Variants in WDR7 observed in about 807,000 individuals in gnomAD.
WDR7 encodes WD repeat-containing protein 7.
A neutral mutation model predicts 169.4 loss-of-function variants in WDR7; 46 were observed. The ratio of observed to expected loss-of-function variants is 0.27; its 90% CI spans 0.21 to 0.35. WDR7 has a LOEUF of 0.35. WDR7 is among the 10% of genes least tolerant of loss of function. The pLI is 1.00. For missense variants in WDR7, 1,534 were observed against 1,859.3 expected, an observed-to-expected ratio of 0.83 and a Z score of 3.22; for synonymous variants, 612 against 666.8, an observed-to-expected ratio of 0.92 and a Z score of 1.27.
intron 20 of WDR7, among the ~76,000 whole-genome samples, chr18:56,866,518 T>G (rs1175473630): frequency 6.6e-6 from 1 of 152,158 alleles, no homozygotes; most frequent in Non-Finnish European, 1.5e-5. Context: ...CGAAAGATTT[T>G]TTTTCTATGA....
rs147294119 is a variant in WDR7, at chr18:56,722,089, A to G, written c.1774+3930A>G. ...ATCTTTTTGAACTTAAGTACCTAATAAAATCTAGCAGGGAATTATGAATTA... is the reference window on the plus strand; with the variant it reads ...ATCTTTTTGAACTTAAGTACCTAATGAAATCTAGCAGGGAATTATGAATTA... On this transcript the variant is annotated intron_variant, in intron 13 of 27. Transcript: ENST00000254442. Among the ~76,000 whole-genome samples, 539 of 152,304 alleles carry G rather than the reference A, an allele frequency of 3.5e-3. 2 individuals carry two copies. Among genetic ancestry groups the G allele is most frequent in the Middle Eastern group, 0.017 (5 of 294 alleles).
At chr18:56,690,392 G>A (rs2025538756) in intron 7 of WDR7, among the ~76,000 whole-genome samples, 3 of 152,164 alleles carry the variant, frequency 2.0e-5, no homozygotes, top group Admixed American at 1.3e-4. Flanking sequence ...AATTTTATAT[G>A]TGAAAATTAT....
intron 14 of WDR7, among the ~76,000 whole-genome samples, chr18:56,739,265 G>A (rs1019036735): frequency 6.6e-6 from 1 of 151,842 alleles, no homozygotes; most frequent in Non-Finnish European, 1.5e-5. Flanking sequence ...ATACTTGTTA[G>A]CTATAGATTC....
intron 19 of WDR7, among the ~76,000 whole-genome samples, chr18:56,806,340 T>A (rs2044773020): frequency 6.6e-6 from 1 of 152,256 alleles, no homozygotes; most frequent in South Asian, 2.1e-4. Flanking sequence ...AAAACTACTC[T>A]TGATTTTCTC....
intron 21 of WDR7, among the ~76,000 whole-genome samples, chr18:56,919,030 CTG>C (rs776495708): frequency 1.3e-5 from 2 of 152,148 alleles, no homozygotes; most frequent in Non-Finnish European, 2.9e-5. Context: ...TGTTTGTTCA[CTG>C]TGTGTGCAGT....
intron 16 of WDR7, among the ~76,000 whole-genome samples, chr18:56,759,906 T>A (rs1341809974): frequency 6.6e-6 from 1 of 152,150 alleles, no homozygotes; most frequent in Non-Finnish European, 1.5e-5. Flanking sequence ...TACTTTAACA[T>A]CCTTAAATGG....
chr18:56,936,487 A>T (rs1208874942), intron 23 of WDR7, among the ~76,000 whole-genome samples: 1 of 152,208 alleles, frequency 6.6e-6, no homozygotes, highest in Non-Finnish European at 1.5e-5. Flanking sequence ...AAAGGAAAGG[A>T]TGATCAGCTC....
chr18:56,713,366 G>A (rs551963900), intron 12 of WDR7, among the ~76,000 whole-genome samples: 3 of 152,204 alleles, frequency 2.0e-5, no homozygotes, highest in Non-Finnish European at 4.4e-5. Context: ...TTTAAACCTT[G>A]AGTCATCCTT....
intron 26 of WDR7, among the ~76,000 whole-genome samples, chr18:56,970,573 T>C (rs1216503840): frequency 6.6e-6 from 1 of 152,194 alleles, no homozygotes; most frequent in Non-Finnish European, 1.5e-5. Context: ...TACAGAGATT[T>C]TCCATATACC....
At chr18:56,823,518 G>A (rs949827928) in intron 20 of WDR7, among the ~76,000 whole-genome samples, 3 of 152,072 alleles carry the variant, frequency 2.0e-5, no homozygotes, top group Non-Finnish European at 4.4e-5. Flanking sequence ...CCCAGGAGGC[G>A]GAGGTTGCAG....
chr18:56,714,623 AG>A (rs1402513548), intron 12 of WDR7, among the ~76,000 whole-genome samples: 1 of 151,922 alleles, frequency 6.6e-6, no homozygotes, highest in Non-Finnish European at 1.5e-5. Context: ...CATGTTAGCC[AG>A]GCTGGTCTTG....
intron 26 of WDR7, among the ~76,000 whole-genome samples, chr18:56,963,119 A>G (rs2047359504): frequency 6.6e-6 from 1 of 152,158 alleles, no homozygotes; most frequent in African/African-American, 2.4e-5. Context: ...CCTGATTCTC[A>G]ATATATACCA....
Position 56,677,895 on chromosome 18 carries a change from A to G in WDR7, c.160-1437A>G, listed in dbSNP as rs1199253563. 5.3e-5 allele frequency among the ~76,000 whole-genome samples: 8 copies of G among 151,994 alleles called. No homozygotes were observed. In the East Asian group the frequency reaches 1.5e-3, roughly 29 times the overall value. Reference sequence around the variant, plus strand: ...CCTCTTTATGACCAGTAACTCATATATTTGCCCTTTTGAGGCTATTTTCTA... The same window carrying G: ...CCTCTTTATGACCAGTAACTCATATGTTTGCCCTTTTGAGGCTATTTTCTA... On this transcript the variant is annotated intron_variant, in intron 2 of 27. Transcript: ENST00000254442.
chr18:56,721,668 C>T (rs910816275), intron 13 of WDR7: 1 of 152,188 alleles, frequency 6.6e-6, no homozygotes, highest in Non-Finnish European at 1.5e-5. Context: ...TTCATATTCC[C>T]AGTAAGTATG....
At chr18:56,852,403 C>T (rs1803822354) in intron 20 of WDR7, among the ~76,000 whole-genome samples, 1 of 152,112 alleles carries the variant, frequency 6.6e-6, no homozygotes, top group African/African-American at 2.4e-5. Context: ...CTAGTTCATT[C>T]CCAGACAGGC....
intron 26 of WDR7, among the ~76,000 whole-genome samples, chr18:56,999,718 T>G (rs1465779280): frequency 6.6e-6 from 1 of 152,142 alleles, no homozygotes; most frequent in East Asian, 1.9e-4. Flanking sequence ...TTAATGCTCT[T>G]ACACTATCAT....
rs756742653 is a variant in WDR7 at position 56,938,542 on chromosome 18, C to T, written c.3841C>T (p.His1281Tyr). ...TAGAAATGTTTTGTAGGTACACAGACATACGGCTCTTGCAGCAAATACCCA... is the reference window on the plus strand; with the variant it reads ...TAGAAATGTTTTGTAGGTACACAGATATACGGCTCTTGCAGCAAATACCCA... ...ITTIAKEVHR[H>Y]TALAANTQSQ... Residue 1281 changes from histidine (H) to tyrosine (Y), a missense_variant, in exon 24 of 28, where the codon CAT becomes TAT. His to Tyr is a moderately conservative substitution (Grantham distance 83). Transcript: ENST00000254442. The T allele has an allele frequency of 6.2e-7, 1 of 1,613,882 alleles. No homozygotes were observed. Among genetic ancestry groups the T allele is most frequent in the South Asian group, 1.1e-5 (1 of 91,062 alleles).
At chr18:56,925,801 C>T (rs2046799061) in intron 22 of WDR7, among the ~76,000 whole-genome samples, 1 of 152,130 alleles carries the variant, frequency 6.6e-6, no homozygotes, top group Non-Finnish European at 1.5e-5. Context: ...ACAGCTGCTG[C>T]CTGCCCCCCA....
intron 26 of WDR7, among the ~76,000 whole-genome samples, chr18:56,997,431 G>T (rs2047913919): frequency 6.6e-6 from 1 of 150,396 alleles, no homozygotes; most frequent in South Asian, 2.1e-4. Context: ...ACTCAAACCA[G>T]AAGTTAATGC....
Sources: allele counts gnomAD v4.1 joint callset (sites outside exome capture counted in the v4.1 genomes callset), GRCh38; gene constraint gnomAD v4.1.1; transcripts MANE v1.5; gene names NCBI Gene and HGNC (gene_info 2026-07-23, HGNC 2026-07-21).